Variants in ADGRB3 observed in about 807,000 individuals in gnomAD.
The protein encoded by ADGRB3 is adhesion G protein-coupled receptor B3.
ADGRB3 carries 37 observed loss-of-function variants against 193.4 expected under a neutral mutation model. That is an observed-to-expected ratio of 0.19 (90% CI 0.15 to 0.25). ADGRB3 has a LOEUF of 0.25. Ranked by LOEUF, ADGRB3 falls within the 10% of genes least tolerant of loss-of-function variation. The pLI is 1.00. For missense variants in ADGRB3, 1,637 were observed against 1,852.9 expected, an observed-to-expected ratio of 0.88 and a Z score of 2.14; for synonymous variants, 690 against 644.2, an observed-to-expected ratio of 1.07 and a Z score of -1.08.
At chr6:68,827,018 G>A (rs1010719660) in intron 3 of ADGRB3, among the ~76,000 whole-genome samples, 3 of 152,094 alleles carry the variant, frequency 2.0e-5, no homozygotes, top group African/African-American at 7.2e-5. Flanking sequence ...AATTTGAGTG[G>A]CATAAGCGTA....
intron 17 of ADGRB3, among the ~76,000 whole-genome samples, chr6:69,183,945 C>G (rs1439879552): frequency 6.6e-6 from 1 of 151,954 alleles, no homozygotes; most frequent in Non-Finnish European, 1.5e-5. Context: ...GGAAAGTTAA[C>G]TAATACAGTA....
At chr6:68,659,544 AT>A (rs935674011) in intron 3 of ADGRB3, among the ~76,000 whole-genome samples, 1 of 150,796 alleles carries the variant, frequency 6.6e-6, no homozygotes, top group Non-Finnish European at 1.5e-5. Context: ...ACTTTTATTG[AT>A]TTTTTAATGT....
chr6:68,811,931 C>T (rs1250211095), intron 3 of ADGRB3, among the ~76,000 whole-genome samples: 1 of 152,034 alleles, frequency 6.6e-6, no homozygotes, highest in Non-Finnish European at 1.5e-5. Flanking sequence ...TGTGATCAAA[C>T]CAGAAAATAC....
At chr6:68,739,289 G>A (rs996709794) in intron 3 of ADGRB3, among the ~76,000 whole-genome samples, 4 of 152,126 alleles carry the variant, frequency 2.6e-5, no homozygotes, top group African/African-American at 7.2e-5. Context: ...AAAAGAACTG[G>A]CAAATTAATT....
intron 3 of ADGRB3, among the ~76,000 whole-genome samples, chr6:68,845,831 AC>A (rs908553351): frequency 5.3e-5 from 8 of 152,186 alleles, no homozygotes; most frequent in African/African-American, 1.9e-4. Context: ...GTAAATTTAT[AC>A]CAGTAGAGTG....
At chr6:68,850,804 A>C (rs1205639626) in intron 3 of ADGRB3, among the ~76,000 whole-genome samples, 1 of 151,916 alleles carries the variant, frequency 6.6e-6, no homozygotes, top group Non-Finnish European at 1.5e-5. Context: ...CATTTTTAAC[A>C]ATATCACTTA....
intron 8 of ADGRB3, among the ~76,000 whole-genome samples, chr6:68,957,249 T>C (rs1409713648): frequency 6.6e-6 from 1 of 152,210 alleles, no homozygotes; most frequent in Non-Finnish European, 1.5e-5. Flanking sequence ...TATAAAGTCT[T>C]AATTGCTAAT....
chr6:68,744,093 G>A (rs1158361025), intron 3 of ADGRB3, among the ~76,000 whole-genome samples: 2 of 152,070 alleles, frequency 1.3e-5, no homozygotes, highest in African/African-American at 2.4e-5. Context: ...TTGACAAGTA[G>A]TGTTGGAAAG....
intron 17 of ADGRB3, among the ~76,000 whole-genome samples, chr6:69,143,847 A>G (rs1190950257): frequency 6.6e-6 from 1 of 152,098 alleles, no homozygotes; most frequent in Non-Finnish European, 1.5e-5. Flanking sequence ...TCTGCTCAGG[A>G]CAGCTTTGAC....
chr6:68,861,296 G>A (rs779934435), intron 3 of ADGRB3, among the ~76,000 whole-genome samples: 3 of 152,140 alleles, frequency 2.0e-5, no homozygotes, highest in Non-Finnish European at 4.4e-5. Context: ...TATTCTGGGA[G>A]GGCACGGTGG....
Position 69,361,358 on chromosome 6 carries a change from A to G in ADGRB3, c.4085A>G (p.Asn1362Ser), listed in dbSNP as rs1769447272. ...NPPVMDQFNM[N>S]LEQHLAPQEH... ...CCTGTAATGGACCAGTTCAATATGA[A>G]CTTAGAGCAACATCTCGCACCCCAG... The change falls in exon 29 of 32, where the codon AAC (asparagine) becomes AGC (serine). Residue 1362 changes from asparagine (N) to serine (S), a missense_variant. Asn to Ser is a conservative substitution (Grantham distance 46). This residue lies in a region of ADGRB3 where 368 missense variants were observed against 367.4 expected (regional missense o/e 1.00). Transcript: ENST00000370598. The G allele has an allele frequency of 6.2e-7, 1 of 1,612,988 alleles. No individual in the cohort carries two copies. Among genetic ancestry groups the G allele is most frequent in the Non-Finnish European group, 8.5e-7 (1 of 1,179,252 alleles).
At chr6:68,795,774 G>A (rs580092) in intron 3 of ADGRB3, among the ~76,000 whole-genome samples, 149,241 of 152,242 alleles carry the variant, frequency 0.98, 73,167 homozygotes, top group East Asian at 1. Context: ...TCCTGAGGAG[G>A]AAGTTTGTAC....
chr6:68,729,024 G>C (rs1222394968), intron 3 of ADGRB3, among the ~76,000 whole-genome samples: 1 of 151,382 alleles, frequency 6.6e-6, no homozygotes, highest in African/African-American at 2.4e-5. Flanking sequence ...CTCTAACATA[G>C]GCAAAGAAAT....
chr6:68,923,586 A>C (rs1423755899), intron 3 of ADGRB3, among the ~76,000 whole-genome samples: 1 of 152,106 alleles, frequency 6.6e-6, no homozygotes, highest in Non-Finnish European at 1.5e-5. Context: ...ATTTTATGGA[A>C]TATTTTAAGT....
intron 22 of ADGRB3, 133 bp from the exon 23 acceptor site, chr6:69,330,373 T>C: frequency 3.9e-6 from 2 of 508,612 alleles, no homozygotes; most frequent in East Asian, 3.2e-5. Flanking sequence ...CTTCTATGTA[T>C]TTTTTATTAC....
At chr6:69,081,681 T>C (rs774244996) in intron 17 of ADGRB3, among the ~76,000 whole-genome samples, 1 of 152,020 alleles carries the variant, frequency 6.6e-6, no homozygotes, top group Admixed American at 6.6e-5. Context: ...TTTCTTAAAA[T>C]TTAAAAAATT....
At chr6:69,145,702 G>A (rs1353699562) in intron 17 of ADGRB3, among the ~76,000 whole-genome samples, 1 of 151,754 alleles carries the variant, frequency 6.6e-6, no homozygotes, top group African/African-American at 2.4e-5. Context: ...CCTTCAGTGG[G>A]TAGCTCCTCT....
chr6:69,033,742 G>T (rs114926510), intron 13 of ADGRB3, among the ~76,000 whole-genome samples: 5 of 151,964 alleles, frequency 3.3e-5, no homozygotes, highest in African/African-American at 1.2e-4. Flanking sequence ...TTTAGATATC[G>T]TTAAAATTCA....
At chr6:68,823,873 A>C (rs746755539) in intron 3 of ADGRB3, among the ~76,000 whole-genome samples, 10 of 152,198 alleles carry the variant, frequency 6.6e-5, no homozygotes, top group Admixed American at 1.3e-4. Flanking sequence ...TAAAAATGTC[A>C]TAGTAATTAT....
Sources: allele counts gnomAD v4.1 joint callset (sites outside exome capture counted in the v4.1 genomes callset), GRCh38; gene constraint gnomAD v4.1.1; regional missense constraint gnomAD v4.1.1; transcripts MANE v1.5; gene names NCBI Gene and HGNC (gene_info 2026-07-23, HGNC 2026-07-21).